PRKN: variants seen among roughly 807,000 people sequenced by gnomAD.
The protein encoded by PRKN is E3 ubiquitin-protein ligase parkin.
In PRKN, 56 loss-of-function variants were observed where a neutral mutation model predicts 59.5. The observed-to-expected ratio is 0.94, with a 90% CI of 0.76 to 1.18. PRKN has a LOEUF of 1.18. PRKN is among the 50% of genes most tolerant of loss of function. The probability of loss-of-function intolerance (pLI) is 0.00; values close to 1 mark genes in which losing one functional copy is unlikely to be tolerated. For missense variants in PRKN, 657 were observed against 596.4 expected (o/e 1.10, Z -1.06); for synonymous variants, 250 against 222.1 (o/e 1.13, Z -1.12).
chr6:162,627,620 T>TA (rs1408686143), intron 1 of PRKN, among the ~76,000 whole-genome samples: 3 of 151,876 alleles, frequency 2.0e-5, no homozygotes, highest in African/African-American at 4.8e-5. Context: ...TGATGAAGGG[T>TA]AAAATGGGGC....
At chr6:162,168,075 C>G (rs976836398) in intron 4 of PRKN, among the ~76,000 whole-genome samples, 1 of 152,038 alleles carries the variant, frequency 6.6e-6, no homozygotes, top group African/African-American at 2.4e-5. Context: ...ATCTGCTCTT[C>G]TTGGAGTAAA....
intron 8 of PRKN, among the ~76,000 whole-genome samples, chr6:161,553,361 CCT>C (rs1376821303): frequency 1.3e-5 from 2 of 151,700 alleles, no homozygotes; most frequent in Non-Finnish European, 2.9e-5. Flanking sequence ...CTCCCTACCC[CCT>C]CTCTTTTCCT....
In PRKN at chr6:162,390,394, T is replaced by C. The variant is rs200745933; in HGVS notation, c.171+52916A>G. Among the ~76,000 whole-genome samples, 401 of 120,760 alleles carry C rather than the reference T, an allele frequency of 3.3e-3. 1 individual carries two copies. The highest frequency in any genetic ancestry group is 0.01 in the African/African-American group (265 of 26,122). The allele number at this position is 120,760 out of a possible 152,430, so 79.2% of individuals were successfully genotyped here. On this transcript the variant is annotated intron_variant, in intron 2 of 11. Coordinates refer to ENST00000366898, the MANE Select transcript of PRKN (RefSeq NM_004562.3). ...GCTAAGGTATATATATATATATATA[T>C]ATACACACACACACACACACACACA... is the stretch of plus-strand genomic sequence containing the variant.
intron 1 of PRKN, among the ~76,000 whole-genome samples, chr6:162,714,240 C>T (rs1380814597): frequency 1.3e-5 from 2 of 152,114 alleles, no homozygotes; most frequent in Non-Finnish European, 2.9e-5. Context: ...ACAAGAAAAA[C>T]GTTCAAGTTT....
At chr6:162,690,924 C>A (rs1210767851) in intron 1 of PRKN, among the ~76,000 whole-genome samples, 1 of 151,936 alleles carries the variant, frequency 6.6e-6, no homozygotes, top group African/African-American at 2.4e-5. Context: ...TTACAGTGAC[C>A]TCACTCTTGG....
rs906761141 is a variant in PRKN at position 161,363,169 on chromosome 6, G to A, written c.1168-2964C>T. On this transcript the variant is annotated intron_variant, in intron 10 of 11. Coordinates refer to ENST00000366898, the MANE Select transcript of PRKN (RefSeq NM_004562.3). The surrounding 1 kb of genome is among the most constrained non-coding windows in gnomAD (Gnocchi z 4.1). ...AGGCAGGAGAAGTACCTGAACCTGG[G>A]GGGCAGAGGTTGCAGTGAGCCGAGA... is the stretch of plus-strand genomic sequence containing the variant. Among the ~76,000 whole-genome samples, 2 of 152,140 alleles carry A rather than the reference G, an allele frequency of 1.3e-5. No individual in the cohort carries two copies. Among genetic ancestry groups the A allele is most frequent in the Non-Finnish European group, 2.9e-5 (2 of 68,018 alleles).
intron 4 of PRKN, among the ~76,000 whole-genome samples, chr6:162,099,128 A>G (rs1408404366): frequency 6.6e-6 from 1 of 152,162 alleles, no homozygotes; most frequent in East Asian, 1.9e-4. Context: ...TTTCCATGCC[A>G]TTTCCAACTT....
At chr6:161,855,065 AGAGT>A (rs1323132928) in intron 6 of PRKN, among the ~76,000 whole-genome samples, 1 of 148,396 alleles carries the variant, frequency 6.7e-6, no homozygotes, top group Non-Finnish European at 1.5e-5. Context: ...CTTGGGCAAC[AGAGT>A]GAGACTTCAT....
Position 162,038,480 on chromosome 6 carries a change from A to G in PRKN, c.618+15611T>C, listed in dbSNP as rs754530106. Among the ~76,000 whole-genome samples, 24 of 152,146 alleles carry G rather than the reference A, an allele frequency of 1.6e-4. 1 individual carries two copies. The highest frequency in any genetic ancestry group is 3.4e-4 in the Non-Finnish European group (23 of 68,034). On this transcript the variant is annotated intron_variant, in intron 5 of 11. Transcript: ENST00000366898. ...ATAATGCTTAAAACAGCTGTGTATA[A>G]TAGTCACCTATACATCTGTATCAAA...
At chr6:161,918,760 T>A (rs1276348691) in intron 6 of PRKN, among the ~76,000 whole-genome samples, 1 of 152,160 alleles carries the variant, frequency 6.6e-6, no homozygotes, top group Non-Finnish European at 1.5e-5. Context: ...AAGCTTTGAA[T>A]AGACATTTCA....
intron 7 of PRKN, among the ~76,000 whole-genome samples, chr6:161,680,781 T>TTTTTTGTTTTTG (rs1785328137): frequency 7.5e-5 from 7 of 93,704 alleles, no homozygotes; most frequent in East Asian, 7.2e-4. Context: ...ATATATTTTT[T>TTTTTTGTTTTTG]TTTTTTTTTC....
chr6:162,421,366 A>T (rs1289499225), intron 2 of PRKN, among the ~76,000 whole-genome samples: 2 of 152,200 alleles, frequency 1.3e-5, no homozygotes, highest in South Asian at 2.1e-4. Flanking sequence ...GCTGTTAAGA[A>T]CAATAACTAA....
chr6:161,469,179 G>A (rs1254781599), intron 9 of PRKN, among the ~76,000 whole-genome samples: 1 of 152,214 alleles, frequency 6.6e-6, no homozygotes, highest in African/African-American at 2.4e-5. Flanking sequence ...GGGACCAGGT[G>A]GAGATAAATG....
chr6:162,152,088 T>C (rs2128313967), intron 4 of PRKN, among the ~76,000 whole-genome samples: 1 of 152,290 alleles, frequency 6.6e-6, no homozygotes, highest in African/African-American at 2.4e-5. Context: ...AAGACATAAC[T>C]TGTGGCTGCT....
intron 1 of PRKN, 119 bp from the exon 2 acceptor site, chr6:162,443,592 T>C (rs1333789382): frequency 5.4e-6 from 5 of 924,064 alleles, no homozygotes; most frequent in Non-Finnish European, 8.8e-6. Flanking sequence ...ATGGTATATA[T>C]TTTCTTTCAC....
intron 1 of PRKN, among the ~76,000 whole-genome samples, chr6:162,541,983 G>C (rs1319139563): frequency 6.6e-6 from 1 of 152,092 alleles, no homozygotes; most frequent in African/African-American, 2.4e-5. Context: ...CCCTTGGGTT[G>C]ACTAAAACGC....
intron 7 of PRKN, among the ~76,000 whole-genome samples, chr6:161,749,354 T>G (rs183022185): frequency 1.1e-4 from 17 of 152,304 alleles, no homozygotes; most frequent in African/African-American, 4.1e-4. Context: ...TACACATGTA[T>G]GTGTATAATC....
At position 161,529,191 on chromosome 6, in the gene PRKN, G is replaced by C. The variant is rs1297423172; in HGVS notation, c.1083+19663C>G. On this transcript the variant is annotated intron_variant, in intron 9 of 11. Transcript: ENST00000366898. The surrounding 1 kb of genome is among the most constrained non-coding windows in gnomAD (Gnocchi z 4.4). ...TGAAATTTAGGGTATTGAAAGGCAA[G>C]AGTCTCATCTTCGAATATCTGATTT... 1.3e-5 allele frequency among the ~76,000 whole-genome samples: 2 copies of C among 152,208 alleles called. No individual in the cohort carries two copies. Among genetic ancestry groups the C allele is most frequent in the African/African-American group, 4.8e-5 (2 of 41,460 alleles).
chr6:161,845,411 G>A (rs534752132), intron 6 of PRKN, among the ~76,000 whole-genome samples: 1 of 152,186 alleles, frequency 6.6e-6, no homozygotes, highest in Non-Finnish European at 1.5e-5. Flanking sequence ...TTCCCAAAGA[G>A]CTGGTCATGA....
Sources: allele counts gnomAD v4.1 joint callset (sites outside exome capture counted in the v4.1 genomes callset), GRCh38; gene constraint gnomAD v4.1.1; non-coding constraint Gnocchi (gnomAD v3.1); transcripts MANE v1.5; gene names NCBI Gene and HGNC (gene_info 2026-07-23, HGNC 2026-07-21).